THSD7B: variants seen among roughly 807,000 people sequenced by gnomAD.
The protein encoded by THSD7B is thrombospondin type-1 domain-containing protein 7B.
In THSD7B, 138 loss-of-function variants were observed where a neutral mutation model predicts 213.6. That is an observed-to-expected ratio of 0.65 (90% CI 0.56 to 0.74). THSD7B has a LOEUF of 0.74. Ranked by LOEUF, THSD7B falls within the 30% of genes least tolerant of loss-of-function variation. The pLI is 0.00. For missense variants in THSD7B, 1,931 were observed against 1,991.5 expected, an observed-to-expected ratio of 0.97 and a Z score of 0.58; for synonymous variants, 742 against 687.0, an observed-to-expected ratio of 1.08 and a Z score of -1.25.
At chr2:137,549,673 T>A (rs1361184305) in intron 15 of THSD7B, among the ~76,000 whole-genome samples, 1 of 152,024 alleles carries the variant, frequency 6.6e-6, no homozygotes, top group Non-Finnish European at 1.5e-5. Flanking sequence ...AACCATTGAT[T>A]AGGAACTCCT....
chr2:137,535,241 T>A (rs1680482266), intron 15 of THSD7B, among the ~76,000 whole-genome samples: 1 of 151,702 alleles, frequency 6.6e-6, no homozygotes, highest in Non-Finnish European at 1.5e-5. Flanking sequence ...TTGACACACT[T>A]GGCTGAAAGT....
intron 3 of THSD7B, among the ~76,000 whole-genome samples, chr2:137,075,508 T>C (rs1157859520): frequency 6.6e-6 from 1 of 152,130 alleles, no homozygotes; most frequent in Non-Finnish European, 1.5e-5. Flanking sequence ...TCAAAGCTTT[T>C]AACTTCTTTC....
chr2:137,619,356 G>C (rs1178382379), intron 19 of THSD7B, among the ~76,000 whole-genome samples: 3 of 152,186 alleles, frequency 2.0e-5, no homozygotes, highest in Non-Finnish European at 4.4e-5. Flanking sequence ...ACAAACCTCT[G>C]TCACCTATCC....
chr2:137,085,185 CA>C (rs1462902580), intron 3 of THSD7B, among the ~76,000 whole-genome samples: 4 of 152,126 alleles, frequency 2.6e-5, no homozygotes, highest in African/African-American at 4.8e-5. Flanking sequence ...ATTTGTGGAA[CA>C]CAAATAAAAC....
At position 137,655,536 on chromosome 2, in the gene THSD7B, C is replaced by A; in HGVS notation, c.3981C>A (p.Ser1327Arg). Residue 1327 changes from serine to arginine, a missense_variant, in exon 22 of 28, where the codon AGC (serine) becomes AGA (arginine). Transcript: ENST00000409968. ...GTGGGGAAGGAGTTCAGATCCGCAG[C>A]CTTTCCTGCATGGTCCACAGTGGTT... is the stretch of plus-strand genomic sequence containing the variant. Reference protein sequence around the residue: ...GDCGEGVQIRSLSCMVHSGSI... With the variant: ...GDCGEGVQIRRLSCMVHSGSI... 2 of 1,612,332 alleles carry A rather than the reference C, an allele frequency of 1.2e-6. No homozygotes were observed. Among genetic ancestry groups the A allele is most frequent in the Non-Finnish European group, 1.7e-6 (2 of 1,179,236 alleles).
intron 3 of THSD7B, among the ~76,000 whole-genome samples, chr2:137,059,267 C>T (rs1030455403): frequency 2.0e-5 from 3 of 152,094 alleles, no homozygotes; most frequent in Non-Finnish European, 4.4e-5. Context: ...TTAGAAATTT[C>T]CCATATTCAA....
intron 12 of THSD7B, among the ~76,000 whole-genome samples, chr2:137,319,488 CTG>C (rs1684216408): frequency 6.6e-6 from 1 of 152,158 alleles, no homozygotes; most frequent in Non-Finnish European, 1.5e-5. Flanking sequence ...GTGATATTTT[CTG>C]TGTCACACTA....
At chr2:137,273,320 G>A (rs1026652175) in intron 11 of THSD7B, among the ~76,000 whole-genome samples, 3 of 151,944 alleles carry the variant, frequency 2.0e-5, no homozygotes, top group African/African-American at 7.3e-5. Flanking sequence ...TGGCAAATTG[G>A]TGATTACTAT....
At chr2:137,005,856 G>T (rs1437752376) in intron 2 of THSD7B, among the ~76,000 whole-genome samples, 1 of 152,084 alleles carries the variant, frequency 6.6e-6, no homozygotes, top group African/African-American at 2.4e-5. Context: ...ATAGTTTTGG[G>T]TGTTACTGGA....
intron 1 of THSD7B, among the ~76,000 whole-genome samples, chr2:136,872,937 A>G (rs1436348385): frequency 6.9e-6 from 1 of 145,734 alleles, no homozygotes; most frequent in Non-Finnish European, 1.5e-5. Flanking sequence ...TAACTGCTAA[A>G]TTGCTTCAAC....
chr2:137,192,239 CACA>C (rs1470042690), intron 7 of THSD7B, among the ~76,000 whole-genome samples: 1 of 152,056 alleles, frequency 6.6e-6, no homozygotes, highest in Non-Finnish European at 1.5e-5. Flanking sequence ...GTTTATTCAA[CACA>C]ACAACACATA....
At chr2:137,470,202 G>A (rs147604084) in intron 15 of THSD7B, among the ~76,000 whole-genome samples, 2 of 152,184 alleles carry the variant, frequency 1.3e-5, no homozygotes, top group Admixed American at 1.3e-4. Context: ...ACCTATTATT[G>A]AATTACAGAC....
chr2:136,923,601 C>T (rs1684472886), intron 2 of THSD7B, among the ~76,000 whole-genome samples: 1 of 152,146 alleles, frequency 6.6e-6, no homozygotes, highest in Non-Finnish European at 1.5e-5. Flanking sequence ...CAATTTCTCT[C>T]CATCTTCATT....
chr2:136,768,930 G>A (rs1210398835), intron 1 of THSD7B, among the ~76,000 whole-genome samples: 1 of 152,144 alleles, frequency 6.6e-6, no homozygotes, highest in African/African-American at 2.4e-5. Context: ...TAATTAGCAC[G>A]TTAAACCTGT....
At chr2:137,389,586 T>C (rs75813684) in intron 12 of THSD7B, among the ~76,000 whole-genome samples, 5,576 of 151,850 alleles carry the variant, frequency 0.037, 142 homozygotes, top group Non-Finnish European at 0.052. Context: ...TAGTCCCATT[T>C]GTTTATTTTC....
At chr2:137,031,645 A>T (rs1686669646) in intron 2 of THSD7B, among the ~76,000 whole-genome samples, 1 of 152,104 alleles carries the variant, frequency 6.6e-6, no homozygotes, top group South Asian at 2.1e-4. Context: ...TAATAACAAT[A>T]GCAAAATATA....
At chr2:136,952,532 CT>C (rs1196070149) in intron 2 of THSD7B, among the ~76,000 whole-genome samples, 1 of 149,172 alleles carries the variant, frequency 6.7e-6, no homozygotes, top group Admixed American at 6.7e-5. Flanking sequence ...TGGCAGAGGA[CT>C]TATCTTTGGA....
intron 3 of THSD7B, among the ~76,000 whole-genome samples, chr2:137,071,255 C>G (rs1455669658): frequency 6.6e-6 from 1 of 152,196 alleles, no homozygotes; most frequent in Non-Finnish European, 1.5e-5. Flanking sequence ...GATCACCATT[C>G]TAACTGGTGT....
intron 2 of THSD7B, among the ~76,000 whole-genome samples, chr2:136,998,636 A>G (rs1685940474): frequency 6.6e-6 from 1 of 152,196 alleles, no homozygotes; most frequent in African/African-American, 2.4e-5. Context: ...TGCTAGCTGT[A>G]GAATGGAGAA....
Sources: allele counts gnomAD v4.1 joint callset (sites outside exome capture counted in the v4.1 genomes callset), GRCh38; gene constraint gnomAD v4.1.1; transcripts MANE v1.5; gene names NCBI Gene and HGNC (gene_info 2026-07-23, HGNC 2026-07-21).